DPAGT1: variants seen among roughly 807,000 people sequenced by gnomAD.
DPAGT1 encodes the protein dolichyl-phosphate N-acetylglucosaminephosphotransferase 1.
Under a neutral mutation model 39.3 loss-of-function variants are expected in DPAGT1, and 25 were observed. The observed-to-expected ratio is 0.64, with a 90% confidence interval of 0.46 to 0.89. The LOEUF is 0.89. DPAGT1 is among the 40% of genes least tolerant of loss of function. The pLI, the probability that DPAGT1 is intolerant of heterozygous loss-of-function variation, is 0.00. For synonymous variants in DPAGT1, 193 were observed against 201.4 expected, an observed-to-expected ratio of 0.96 and a Z score of 0.36; for missense variants, 381 against 500.6, an observed-to-expected ratio of 0.76 and a Z score of 2.28.
intron 4 of DPAGT1, 31 bp downstream of exon 4, chr11:119,100,231 C>G (rs745647615): frequency 1.2e-6 from 2 of 1,613,984 alleles, no homozygotes; most frequent in Non-Finnish European, 1.7e-6. Context: ...AACACTCAGA[C>G]TTCTCTCTCC....
intron 5 of DPAGT1, 21 bp downstream of exon 5, chr11:119,098,382 C>G: frequency 6.2e-7 from 1 of 1,611,674 alleles, no homozygotes; most frequent in Non-Finnish European, 8.5e-7. Flanking sequence ...TAGTTGTCCC[C>G]TTATCCACAG....
chr11:119,097,618 G>C lies in DPAGT1; in HGVS notation c.918-67C>G, dbSNP rs1235438546. 1 of 1,567,168 alleles carries C rather than the reference G, an allele frequency of 6.4e-7. No individual in the cohort carries two copies. Among genetic ancestry groups the C allele is most frequent in the Non-Finnish European group, 8.8e-7 (1 of 1,137,834 alleles). ...GAACCCTCCTCCCTGTGGCTAATAGGAAGAGCATTGAATGTGGAGTCAACC... is the reference window on the plus strand; with the variant it reads ...GAACCCTCCTCCCTGTGGCTAATAGCAAGAGCATTGAATGTGGAGTCAACC... On this transcript the variant is annotated intron_variant, in intron 6 of 8. Transcript: ENST00000354202. The surrounding 1 kb of genome is among the most constrained non-coding windows in gnomAD (Gnocchi z 4.6).
chr11:119,095,074 G>A, downstream of DPAGT1: 1 of 1,613,898 alleles, frequency 6.2e-7, no homozygotes, highest in Non-Finnish European at 8.5e-7. Context: ...TGGGCAGGAC[G>A]CCTCCCTGGG....
At position 119,098,060 on chromosome 11, in the gene DPAGT1, G is replaced by A. The variant is rs764751039; in HGVS notation, c.729-17C>T. ...GATGGGTACCTGTGTGGGGGAAGAG[G>A]ATCCGAGCCAGTGGCAAGAGGCATT... On this transcript the variant is annotated splice_polypyrimidine_tract_variant and intron_variant, in intron 5 of 8. Transcript: ENST00000354202. 4 of 1,613,694 alleles carry A rather than the reference G, an allele frequency of 2.5e-6. No homozygotes were observed. The South Asian group carries it at 4.4e-5, about 18-fold the overall frequency.
At position 119,096,901 on chromosome 11, in the gene DPAGT1, G is replaced by A; in HGVS notation, c.*97C>T. The A allele has an allele frequency of 5.1e-6, 7 of 1,373,814 alleles. No individual in the cohort carries two copies. Among genetic ancestry groups the A allele is most frequent in the Non-Finnish European group, 7.2e-6 (7 of 974,914 alleles). 85.1% of individuals were successfully genotyped at this position (1,373,814 alleles called of 1,614,324 possible). On this transcript the variant is annotated 3_prime_UTR_variant, in exon 9 of 9. Transcript: ENST00000354202. ...ATCTGGAGGAGTATGAAGAGTGAGAGAGGCCTGGGCAAGGAGGCAGTCTGG... is the reference window on the plus strand; with the variant it reads ...ATCTGGAGGAGTATGAAGAGTGAGAAAGGCCTGGGCAAGGAGGCAGTCTGG...
intron 4 of DPAGT1, among the ~76,000 whole-genome samples, chr11:119,099,823 A>G (rs1440628598): frequency 7.0e-6 from 1 of 142,320 alleles, no homozygotes; most frequent in Non-Finnish European, 1.5e-5. Context: ...GTAGGAACTG[A>G]GTTGTTATTG....
At chr11:119,094,564 A>T (rs1946358074), downstream of DPAGT1, 1 of 161,618 alleles carries the variant, frequency 6.2e-6, no homozygotes. Context: ...GCAGCCCCTT[A>T]GCGACTCGGG....
intron 4 of DPAGT1, among the ~76,000 whole-genome samples, chr11:119,099,390 C>T (rs979811889): frequency 2.2e-5 from 3 of 139,280 alleles, no homozygotes; most frequent in African/African-American, 8.2e-5. Flanking sequence ...CACCATTGTA[C>T]TCCAGCCTGG....
downstream of DPAGT1, among the ~76,000 whole-genome samples, chr11:119,095,758 G>A (rs939030127): frequency 5.3e-5 from 8 of 152,130 alleles, no homozygotes; most frequent in African/African-American, 1.9e-4. Flanking sequence ...AGAAGCGGAA[G>A]ACCAAAGGGG....
chr11:119,098,926 C>A (rs1946444808), intron 4 of DPAGT1, among the ~76,000 whole-genome samples: 1 of 152,162 alleles, frequency 6.6e-6, no homozygotes. Flanking sequence ...CAGCCAAAGA[C>A]CATCAGAAAC....
In DPAGT1 at chr11:119,101,158, G is replaced by A. The variant is rs749879111; in HGVS notation, c.162-20C>T. 12 of 1,613,646 alleles carry A rather than the reference G, an allele frequency of 7.4e-6. No homozygotes were observed. The highest frequency in any genetic ancestry group is 1.7e-5 in the Admixed American group (1 of 60,000). ...TCTGGGCTGTGGCCCAGCAGCAAGG[G>A]GGCGAGGGGGAAGAGGAAAGGGGGC... is the stretch of plus-strand genomic sequence containing the variant. On this transcript the variant is annotated intron_variant, in intron 1 of 8. Coordinates refer to ENST00000354202, the MANE Select transcript of DPAGT1 (RefSeq NM_001382.4).
At chr11:119,101,288 A>T in intron 1 of DPAGT1, 150 bp from the exon 2 acceptor site, 1 of 1,364,342 alleles carries the variant, frequency 7.3e-7, no homozygotes, top group Non-Finnish European at 1.0e-6. Flanking sequence ...GGAAAGCACC[A>T]CTGCCAGAGT....
intron 2 of DPAGT1, 38 bp from the exon 3 acceptor site, chr11:119,100,881 C>G (rs371721384): frequency 1.9e-6 from 3 of 1,613,950 alleles, no homozygotes; most frequent in Non-Finnish European, 2.5e-6. Context: ...CTCAAGCCTG[C>G]TCCCATTCCA....
rs932346172 is a variant in DPAGT1 at position 119,101,822 on chromosome 11, C to G, written c.-167G>C. 21 of 1,500,226 alleles carry G rather than the reference C, an allele frequency of 1.4e-5. No individual in the cohort carries two copies. The highest frequency in any genetic ancestry group is 2.1e-5 in the Admixed American group (1 of 48,262). The allele number at this position is 1,500,226 out of a possible 1,614,324, so 92.9% of individuals were successfully genotyped here. On this transcript the variant is annotated 5_prime_UTR_variant, in exon 1 of 9. Transcript: ENST00000354202. ...TCTGACTTGAGCCGCCGTCGGGACACCGGGGAACCTCTCTAAGGCAACCTA... is the reference window on the plus strand; with the variant it reads ...TCTGACTTGAGCCGCCGTCGGGACAGCGGGGAACCTCTCTAAGGCAACCTA...
Position 119,097,120 on chromosome 11 carries a change from T to C in DPAGT1, c.1161+22A>G, listed in dbSNP as rs1462699913. 1 of 1,614,180 alleles carries C rather than the reference T, an allele frequency of 6.2e-7. No homozygotes were observed. Among genetic ancestry groups the C allele is most frequent in the Admixed American group, 1.7e-5 (1 of 60,024 alleles). On this transcript the variant is annotated intron_variant, in intron 8 of 8. Transcript: ENST00000354202. The surrounding 1 kb of genome is among the most constrained non-coding windows in gnomAD (Gnocchi z 4.6). The stretch of plus-strand genomic sequence containing the variant: ...ACGCAGAAAGGGAGACACGGAGGTA[T>C]AAACTCGATTCCCATCCTCACCTGC...
Position 119,098,445 on chromosome 11 carries a change from A to G in DPAGT1, c.686T>C (p.Ile229Thr), listed in dbSNP as rs1946438682. 6.2e-7 allele frequency: 1 copy of G among 1,614,200 alleles called. No individual in the cohort carries two copies. Among genetic ancestry groups the G allele is most frequent in the Non-Finnish European group, 8.5e-7 (1 of 1,180,014 alleles). Residue 229 changes from isoleucine to threonine, a missense_variant, in exon 5 of 9, where the codon ATA becomes ACA. By Grantham distance (89) the Ile-to-Thr change is moderately conservative. Coordinates refer to ENST00000354202, the MANE Select transcript of DPAGT1 (RefSeq NM_001382.4). ...TCCCAAAGTGGTGAAAAAAAAGGGTATCATGAAGTAGAGGGAAAAGACATG... is the reference window on the plus strand; with the variant it reads ...TCCCAAAGTGGTGAAAAAAAAGGGTGTCATGAAGTAGAGGGAAAAGACATG... ...DDHVFSLYFM[I>T]PFFFTTLGLL...
At chr11:119,101,253 G>T in intron 1 of DPAGT1, 115 bp from the exon 2 acceptor site, 1 of 1,508,910 alleles carries the variant, frequency 6.6e-7, no homozygotes, top group Admixed American at 1.8e-5. Context: ...TTTTATTCTG[G>T]TAAGTGGTGA....
chr11:119,095,364 C>A (rs971355690), downstream of DPAGT1: 1 of 1,581,502 alleles, frequency 6.3e-7, no homozygotes, highest in African/African-American at 1.4e-5. Flanking sequence ...TTGGCGCGGG[C>A]CTTGCCGCCA....
Position 119,101,589 on chromosome 11 carries a change from C to T in DPAGT1, c.67G>A (p.Val23Met), listed in dbSNP as rs1336789639. The T allele has an allele frequency of 6.2e-7, 1 of 1,614,254 alleles. No individual in the cohort carries two copies. Among genetic ancestry groups the T allele is most frequent in the South Asian group, 1.1e-5 (1 of 91,090 alleles). ...GCCGGGATGAGGGTGACTGTGGCCACAAATCCCAGCAGCGAGACGATCAAA... is the reference window on the plus strand; with the variant it reads ...GCCGGGATGAGGGTGACTGTGGCCATAAATCCCAGCAGCGAGACGATCAAA... ...INLIVSLLGF[V>M]ATVTLIPAFR... The change falls in exon 1 of 9, where the codon GTG becomes ATG. Residue 23 changes from valine (V) to methionine (M), a missense_variant. Physicochemically the swap from Val to Met is conservative, Grantham distance 21. Transcript: ENST00000354202.
Sources: gnomAD v4.1 joint callset for allele counts (sites outside exome capture counted in the v4.1 genomes callset) on GRCh38, gnomAD v4.1.1 for gene constraint, Gnocchi (gnomAD v3.1) non-coding constraint, MANE v1.5 for transcripts, NCBI Gene and HGNC (gene_info 2026-07-23, HGNC 2026-07-21) for gene names.